The following COG5 variants were observed in gnomAD, a reference collection of about 807,000 sequenced individuals.
COG5 encodes component of oligomeric golgi complex 5, also known as conserved oligomeric Golgi complex subunit 5.
Under a neutral mutation model 110.4 loss-of-function variants are expected in COG5, and 86 were observed. The observed-to-expected ratio is 0.78, with a 90% CI of 0.65 to 0.93. The LOEUF (loss-of-function observed/expected upper bound fraction) is 0.93. Among genes scored for constraint, COG5 ranks in the 40% least tolerant of loss-of-function variants. The pLI is 0.00. For missense variants in COG5, 1,077 were observed against 987.0 expected, an observed-to-expected ratio of 1.09 and a Z score of -1.22; for synonymous variants, 360 against 334.6, an observed-to-expected ratio of 1.08 and a Z score of -0.83.
In COG5 at chr7:107,284,678, T is replaced by C. The variant is rs75568544; in HGVS notation, c.1314-946A>G. ...ACCTGAGAAACATTTCTTTCCTGCT[T>C]GCACTTCCCATATCTTTAATAATTC... is the stretch of plus-strand genomic sequence containing the variant. On this transcript the variant is annotated intron_variant, in intron 12 of 21. Coordinates refer to ENST00000297135, the MANE Select transcript of COG5 (RefSeq NM_006348.5). Among the ~76,000 whole-genome samples the C allele has an allele frequency of 1.1e-3, 164 of 152,342 alleles. 1 individual carries two copies. Among genetic ancestry groups the C allele is most frequent in the African/African-American group, 3.7e-3 (154 of 41,588 alleles).
intron 6 of COG5, among the ~76,000 whole-genome samples, chr7:107,459,100 A>G (rs1310819835): frequency 6.6e-6 from 1 of 152,098 alleles, no homozygotes; most frequent in Admixed American, 6.5e-5. Flanking sequence ...TGTAACCCTA[A>G]CCATATGAAA....
chr7:107,387,858 T>G (rs527887085), intron 7 of COG5, among the ~76,000 whole-genome samples: 2 of 152,368 alleles, frequency 1.3e-5, no homozygotes, highest in African/African-American at 4.8e-5. Flanking sequence ...TGCAGAACCT[T>G]GAAACAGCCT....
intron 19 of COG5, among the ~76,000 whole-genome samples, chr7:107,221,431 A>C (rs970155652): frequency 6.6e-6 from 1 of 151,966 alleles, no homozygotes; most frequent in African/African-American, 2.4e-5. Context: ...CTCTGTATAA[A>C]AGTCCTTATA....
intron 14 of COG5, among the ~76,000 whole-genome samples, chr7:107,269,974 C>T (rs1440990217): frequency 2.6e-5 from 4 of 152,146 alleles, no homozygotes; most frequent in Non-Finnish European, 4.4e-5. Context: ...AGAGTCCACG[C>T]TTATAAGCAA....
At position 107,210,559 on chromosome 7, in the gene COG5, T is replaced by TG; in HGVS notation, c.2341dup (p.His781ProfsTer4). ...GAGGAGCCTGTCCTTTTCAGATGGATGGTCATCCAGCCACTGAGAGAAGCG... is the reference window on the plus strand; with the variant it reads ...GAGGAGCCTGTCCTTTTCAGATGGATGGGTCATCCAGCCACTGAGAGAAGCG... On this transcript the variant is annotated frameshift_variant, in exon 21 of 22. Transcript: ENST00000297135. LOFTEE classifies it high-confidence loss of function. The TG allele has an allele frequency of 6.2e-7, 1 of 1,604,312 alleles. No individual in the cohort carries two copies. The highest frequency in any genetic ancestry group is 1.1e-5 in the South Asian group (1 of 88,700).
intron 5 of COG5, among the ~76,000 whole-genome samples, chr7:107,529,891 G>GAT (rs935589831): frequency 6.6e-6 from 1 of 152,070 alleles, no homozygotes; most frequent in African/African-American, 2.4e-5. Flanking sequence ...CAGTAACTTG[G>GAT]ATATCTTGCA....
intron 7 of COG5, among the ~76,000 whole-genome samples, chr7:107,399,635 T>C (rs1331364029): frequency 6.6e-6 from 1 of 152,190 alleles, no homozygotes; most frequent in African/African-American, 2.4e-5. Context: ...CTTTATAAAT[T>C]ACCCAGTCGT....
intron 6 of COG5, among the ~76,000 whole-genome samples, chr7:107,498,214 T>C (rs1798402290): frequency 6.6e-6 from 1 of 152,160 alleles, no homozygotes. Context: ...TCTGTACCAT[T>C]GGTCTTGGCA....
chr7:107,215,588 C>T (rs1197096287), intron 19 of COG5, among the ~76,000 whole-genome samples: 2 of 147,400 alleles, frequency 1.4e-5, no homozygotes, highest in East Asian at 2.0e-4. Flanking sequence ...GGCGTGAACC[C>T]GGGAGGCAGA....
At chr7:107,372,832 A>C in intron 7 of COG5, 72 bp from the exon 8 acceptor site, 2 of 1,462,298 alleles carry the variant, frequency 1.4e-6, no homozygotes, top group Non-Finnish European at 1.9e-6. Flanking sequence ...TAAATATACA[A>C]CTTTAAGCAG....
chr7:107,314,582 C>CAAAAAAAAA (rs764317288), intron 11 of COG5, among the ~76,000 whole-genome samples: 1 of 55,060 alleles, frequency 1.8e-5, no homozygotes, highest in African/African-American at 5.7e-5. Context: ...ATCTCTACTA[C>CAAAAAAAAA]AAAAAAAAAA....
intron 10 of COG5, among the ~76,000 whole-genome samples, chr7:107,352,593 T>C (rs1812259809): frequency 1.3e-5 from 2 of 152,130 alleles, no homozygotes; most frequent in African/African-American, 4.8e-5. Context: ...GATAAATAAG[T>C]TGAACATTTA....
intron 19 of COG5, among the ~76,000 whole-genome samples, chr7:107,223,337 C>A (rs1280003423): frequency 2.0e-5 from 3 of 152,010 alleles, no homozygotes; most frequent in African/African-American, 7.2e-5. Context: ...TTTAGGGAGG[C>A]CTAGTTTGTG....
chr7:107,329,197 C>A (rs1810028941), intron 10 of COG5, among the ~76,000 whole-genome samples: 1 of 152,106 alleles, frequency 6.6e-6, no homozygotes, highest in Non-Finnish European at 1.5e-5. Flanking sequence ...TTGAATAAAT[C>A]AATCAATCCA....
intron 1 of COG5, 29 bp downstream of exon 1, chr7:107,563,774 C>T (rs763778646): frequency 1.2e-6 from 2 of 1,613,304 alleles, no homozygotes; most frequent in Non-Finnish European, 1.7e-6. Flanking sequence ...CCCCCAACCC[C>T]ACGACCTGGT....
intron 21 of COG5, chr7:107,209,882 G>C: frequency 2.0e-6 from 2 of 985,942 alleles, no homozygotes; most frequent in Non-Finnish European, 2.4e-6. Flanking sequence ...AAATGGGAAT[G>C]TTTGGTGGCT....
Position 107,283,557 on chromosome 7 carries a change from T to TA in COG5, c.1475+13dup. On this transcript the variant is annotated intron_variant, in intron 13 of 21. Transcript: ENST00000297135. Reference sequence around the variant, plus strand: ...AGTCATCTTATGGCAAGCCACTATATAAAAAATACATACCTTGCTATAGTT... The same window carrying TA: ...AGTCATCTTATGGCAAGCCACTATATAAAAAAATACATACCTTGCTATAGTT... The TA allele has an allele frequency of 2.5e-6, 4 of 1,610,530 alleles. No individual in the cohort carries two copies. The highest frequency in any genetic ancestry group is 3.4e-6 in the Non-Finnish European group (4 of 1,176,924).
chr7:107,453,860 A>G (rs1795501728), intron 6 of COG5, among the ~76,000 whole-genome samples: 1 of 152,180 alleles, frequency 6.6e-6, no homozygotes, highest in African/African-American at 2.4e-5. Flanking sequence ...ACATGAATTT[A>G]AAAATATTAA....
At chr7:107,282,944 A>G (rs1805304272) in intron 13 of COG5, among the ~76,000 whole-genome samples, 1 of 152,228 alleles carries the variant, frequency 6.6e-6, no homozygotes, top group Admixed American at 6.5e-5. Context: ...CAGATCTACT[A>G]TTATGACAAC....
Sources: gnomAD v4.1 joint callset for allele counts (sites outside exome capture counted in the v4.1 genomes callset) on GRCh38, gnomAD v4.1.1 for gene constraint, MANE v1.5 for transcripts, NCBI Gene and HGNC (gene_info 2026-07-23, HGNC 2026-07-21) for gene names.